A2M: variants seen among roughly 807,000 people sequenced by gnomAD.
A2M encodes C3 and PZP-like alpha-2-macroglobulin domain-containing protein 5.
In A2M, 128 loss-of-function variants were observed where a neutral mutation model predicts 183.9. The ratio of observed to expected loss-of-function variants is 0.70; its 90% CI spans 0.60 to 0.81. The LOEUF (loss-of-function observed/expected upper bound fraction) is 0.81, where lower values mean the gene tolerates loss of function less well. Ranked by LOEUF, A2M falls within the 30% of genes least tolerant of loss-of-function variation. The pLI is 0.00. For synonymous variants in A2M, 592 were observed against 670.8 expected (o/e 0.88, Z 1.81); for missense variants, 1,495 against 1,787.6 (o/e 0.84, Z 2.95).
intron 11 of A2M, 111 bp downstream of exon 11, chr12:9,104,128 G>GT: frequency 1.8e-6 from 2 of 1,122,616 alleles, no homozygotes. Context: ...CTAATTGCTA[G>GT]TTTTTTTCTC....
At chr12:9,083,732 G>GA (rs999114503) in intron 22 of A2M, among the ~76,000 whole-genome samples, 6 of 143,066 alleles carry the variant, frequency 4.2e-5, no homozygotes, top group East Asian at 4.0e-4. Context: ...AAGCAATAAT[G>GA]AAAAAAAAGA....
At chr12:9,105,266 G>T (rs1044666530) in intron 10 of A2M, among the ~76,000 whole-genome samples, 1 of 152,150 alleles carries the variant, frequency 6.6e-6, no homozygotes, top group Non-Finnish European at 1.5e-5. Flanking sequence ...ACAAAGACAA[G>T]AATAGGCACA....
intron 22 of A2M, among the ~76,000 whole-genome samples, chr12:9,086,794 C>A (rs1388552523): frequency 2.0e-5 from 3 of 152,088 alleles, no homozygotes; most frequent in Non-Finnish European, 4.4e-5. Flanking sequence ...CAAGAGCAAT[C>A]AAACATGAAA....
At chr12:9,101,039 C>T (rs937111311) in intron 13 of A2M, 105 bp downstream of exon 13, 4 of 1,078,780 alleles carry the variant, frequency 3.7e-6, no homozygotes, top group Non-Finnish European at 5.3e-6. Flanking sequence ...CACCTGTTCC[C>T]CCAAAAACCT....
intron 11 of A2M, among the ~76,000 whole-genome samples, chr12:9,102,989 A>G (rs907930761): frequency 2.6e-5 from 4 of 152,200 alleles, no homozygotes; most frequent in Non-Finnish European, 5.9e-5. Flanking sequence ...TGTATTGTAT[A>G]TCCATGTATC....
At position 9,109,890 on chromosome 12, in the gene A2M, T is replaced by C. The variant is rs1938591731; in HGVS notation, c.650A>G (p.His217Arg). The change falls in exon 6 of 36, where the codon CAC becomes CGC. Residue 217 changes from histidine (H) to arginine (R), a missense_variant. His to Arg is a conservative substitution (Grantham distance 29, BLOSUM62 0). Coordinates refer to ENST00000318602, the MANE Select transcript of A2M (RefSeq NM_000014.6). The part of the protein sequence containing the change: ...VQKKSGGRTE[H>R]PFTVEEFVLP... ...ACCAAATTCCTCCACGGTGAAAGGG[T>C]GCTCTGTCCTTCCACCTGATTTCTT... 4 of 1,609,144 alleles carry C rather than the reference T, an allele frequency of 2.5e-6. No homozygotes were observed. The East Asian group carries it at 8.9e-5, about 36-fold the overall frequency.
chr12:9,112,005 A>G (rs767616040), intron 4 of A2M, 154 bp downstream of exon 4: 21 of 803,344 alleles, frequency 2.6e-5, no homozygotes, highest in Non-Finnish European at 4.3e-5. Flanking sequence ...ACCTGGAATG[A>G]TGTTTTAGAT....
At chr12:9,115,365 A>G (rs1283729277) in intron 1 of A2M, 1 of 162,184 alleles carries the variant, frequency 6.2e-6, no homozygotes, top group Non-Finnish European at 1.4e-5. Context: ...AGATTTTTAT[A>G]CTCCAGGGCA....
intron 33 of A2M, 101 bp from the exon 34 acceptor site, chr12:9,068,943 T>A (rs1432241720): frequency 6.6e-6 from 5 of 759,904 alleles, no homozygotes; most frequent in Non-Finnish European, 1.1e-5. Flanking sequence ...AGCTTTATTA[T>A]CCTACAGCAC....
rs984772720 is a variant in A2M at position 9,076,664 on chromosome 12, A to G, written c.3532+92T>C. On this transcript the variant is annotated intron_variant, in intron 28 of 35. Transcript: ENST00000318602. ...ATATATAGAAAAGAAGAGAGGAGAC[A>G]GGGATCACAGGAGGTAGGAGTGAGG... The G allele has an allele frequency of 3.5e-6, 4 of 1,146,630 alleles. No individual in the cohort carries two copies. In the African/African-American group the frequency reaches 4.6e-5, roughly 13 times the overall value. The allele number at this position is 1,146,630 out of a possible 1,614,324, so 71.0% of individuals were successfully genotyped here.
At chr12:9,104,421 A>C in intron 10 of A2M, 21 bp from the exon 11 acceptor site, 2 of 1,564,064 alleles carry the variant, frequency 1.3e-6, no homozygotes, top group Non-Finnish European at 1.7e-6. Flanking sequence ...AAAGCTGTGG[A>C]TTAGTTATAT....
intron 35 of A2M, 134 bp from the exon 36 acceptor site, chr12:9,067,973 A>G (rs1948446430): frequency 7.9e-6 from 8 of 1,016,124 alleles, no homozygotes; most frequent in Non-Finnish European, 1.1e-5. Flanking sequence ...AATCTATTCC[A>G]AATCATTACC....
chr12:9,086,788 A>T (rs573625427), intron 22 of A2M, among the ~76,000 whole-genome samples: 1 of 152,240 alleles, frequency 6.6e-6, no homozygotes, highest in Non-Finnish European at 1.5e-5. Flanking sequence ...TAGCAGCAAG[A>T]GCAATCAAAC....
At chr12:9,085,293 G>A (rs12303727) in intron 22 of A2M, among the ~76,000 whole-genome samples, 4,240 of 152,066 alleles carry the variant, frequency 0.028, 188 homozygotes, top group African/African-American at 0.091. Context: ...GACTGAAATC[G>A]TTTCATCGTA....
intron 27 of A2M, 26 bp from the exon 28 acceptor site, chr12:9,076,962 C>T: frequency 6.5e-7 from 1 of 1,539,060 alleles, no homozygotes; most frequent in Non-Finnish European, 8.7e-7. Context: ...AAGAAGGGAA[C>T]TAAGCTATGT....
chr12:9,075,728 G>GAT (rs1374405278), intron 28 of A2M, among the ~76,000 whole-genome samples: 1 of 152,158 alleles, frequency 6.6e-6, no homozygotes, highest in African/African-American at 2.4e-5. Flanking sequence ...ATTAGTTAGG[G>GAT]ATACATATGC....
intron 1 of A2M, among the ~76,000 whole-genome samples, chr12:9,114,339 C>T (rs936177747): frequency 2.6e-5 from 4 of 152,140 alleles, no homozygotes; most frequent in African/African-American, 9.7e-5. Flanking sequence ...TTTTTGGACT[C>T]TGTGCACTCC....
At chr12:9,107,249 G>C (rs1461613678) in intron 8 of A2M, among the ~76,000 whole-genome samples, 1 of 152,110 alleles carries the variant, frequency 6.6e-6, no homozygotes, top group Non-Finnish European at 1.5e-5. Flanking sequence ...GCAATTAAGA[G>C]GTGTATGGTT....
chr12:9,104,830 GC>G (rs1283735892), intron 10 of A2M, among the ~76,000 whole-genome samples: 1 of 152,104 alleles, frequency 6.6e-6, no homozygotes, highest in Non-Finnish European at 1.5e-5. Flanking sequence ...ATTTATTTGT[GC>G]CCCAAACACC....
Sources: gnomAD v4.1 joint callset for allele counts (sites outside exome capture counted in the v4.1 genomes callset) on GRCh38, gnomAD v4.1.1 for gene constraint, MANE v1.5 for transcripts, NCBI Gene and HGNC (gene_info 2026-07-23, HGNC 2026-07-21) for gene names.